Variants in ZNF69 observed in about 807,000 individuals in gnomAD.
ZNF69 encodes the protein zinc finger protein 69.
A neutral mutation model predicts 50.9 loss-of-function variants in ZNF69; 47 were observed. That is an observed-to-expected ratio of 0.92 (90% CI 0.73 to 1.18). The LOEUF is 1.18. Among genes scored for constraint, ZNF69 ranks in the 50% most tolerant of loss-of-function variants. The pLI, the probability that ZNF69 is intolerant of heterozygous loss-of-function variation, is 0.00. For synonymous variants in ZNF69, 216 were observed against 223.1 expected (o/e 0.97, Z 0.29); for missense variants, 717 against 675.1 (o/e 1.06, Z -0.69).
the ZNF69 span, among the ~76,000 whole-genome samples, chr19:11,962,804 G>A: frequency 6.6e-6 from 1 of 152,298 alleles, no homozygotes; most frequent in Middle Eastern, 3.4e-3. Flanking sequence ...CAGAGAACAA[G>A]CTGACTTAAT....
the ZNF69 span, among the ~76,000 whole-genome samples, chr19:11,935,509 G>A: frequency 6.6e-6 from 1 of 152,026 alleles, no homozygotes; most frequent in African/African-American, 2.4e-5. Context: ...CGGGATTATA[G>A]GCATGAGCCA....
At chr19:11,922,805 CT>C in the ZNF69 span, among the ~76,000 whole-genome samples, 365 of 150,724 alleles carry the variant, frequency 2.4e-3, 5 homozygotes, top group African/African-American at 8.5e-3. Context: ...GTCTGGTGGG[CT>C]TTTTATGGGT....
At chr19:11,897,093 A>G (rs1423240551) in intron 1 of ZNF69, among the ~76,000 whole-genome samples, 1 of 152,224 alleles carries the variant, frequency 6.6e-6, no homozygotes, top group Non-Finnish European at 1.5e-5. Context: ...TCATGCCTGT[A>G]ATCCCAATAT....
At chr19:11,935,362 G>T in the ZNF69 span, among the ~76,000 whole-genome samples, 1 of 149,666 alleles carries the variant, frequency 6.7e-6, no homozygotes, top group Admixed American at 6.7e-5. Context: ...TCAGCCTCCA[G>T]AGTAGGTGGG....
intron 1 of ZNF69, among the ~76,000 whole-genome samples, chr19:11,890,253 T>C (rs1352431711): frequency 6.6e-6 from 1 of 152,192 alleles, no homozygotes; most frequent in African/African-American, 2.4e-5. Context: ...TCAGGCTGTC[T>C]CAGTGGGGGA....
the ZNF69 span, chr19:11,965,103 G>C: frequency 6.8e-7 from 1 of 1,461,336 alleles, no homozygotes; most frequent in South Asian, 1.1e-5. Context: ...CCCCGAGAGG[G>C]ACCTGGTACC....
rs1976982082 is a variant in ZNF69 at position 11,887,805 on chromosome 19, G to T, written c.-119G>T. 1.3e-6 allele frequency: 1 copy of T among 747,730 alleles called. No homozygotes were observed. 46.3% of individuals were successfully genotyped at this position (747,730 alleles called of 1,614,324 possible). A position where few individuals can be genotyped will look rare whatever the true frequency, so the allele number is the denominator to read the frequency against. ...CCACTGTTCCTCCAGACACTGAGGG[G>T]GTCGCATTCCTTACCTCACCTTTGT... On this transcript the variant is annotated 5_prime_UTR_variant, in exon 1 of 4. Transcript: ENST00000429654.
Position 11,905,350 on chromosome 19 carries a change from A to G in ZNF69, c.953A>G (p.Tyr318Cys), listed in dbSNP as rs777797125. The G allele has an allele frequency of 9.3e-6, 15 of 1,614,024 alleles. No individual in the cohort carries two copies. In the African/African-American group the frequency reaches 1.5e-4, roughly 16 times the overall value. Residue 318 changes from tyrosine to cysteine, a missense_variant, in exon 4 of 4, where the codon TAT (tyrosine) becomes TGT (cysteine). Tyr to Cys is a radical substitution (Grantham distance 194, BLOSUM62 -2). Transcript: ENST00000429654. The stretch of plus-strand genomic sequence containing the variant: ...GGAAAAGCATTCACGTGTCCCCAGT[A>G]TGTTCGTATACATGAAAGGACCCAC... ...ECGKAFTCPQ[Y>C]VRIHERTHSR... is the part of the protein sequence containing the mutation.
the ZNF69 span, among the ~76,000 whole-genome samples, chr19:11,928,498 C>T: frequency 1.3e-5 from 2 of 151,294 alleles, no homozygotes; most frequent in Non-Finnish European, 2.9e-5. Context: ...TTTGGGAGGC[C>T]GAGGCGGGCG....
At chr19:11,975,640 C>G in the ZNF69 span, among the ~76,000 whole-genome samples, 1 of 148,322 alleles carries the variant, frequency 6.7e-6, no homozygotes, top group Non-Finnish European at 1.5e-5. Flanking sequence ...CCTCGGCCTA[C>G]CAAAGTGTTG....
At chr19:11,941,301 C>T in the ZNF69 span, among the ~76,000 whole-genome samples, 5 of 152,252 alleles carry the variant, frequency 3.3e-5, no homozygotes, top group African/African-American at 1.2e-4. Context: ...GCCCGCACTC[C>T]TCAGCCCTTG....
At chr19:11,888,539 A>C (rs546514637) in intron 1 of ZNF69, among the ~76,000 whole-genome samples, 23 of 152,310 alleles carry the variant, frequency 1.5e-4, no homozygotes, top group East Asian at 7.7e-4. Flanking sequence ...CCGAGGGAAA[A>C]ACAACCCCAA....
the ZNF69 span, chr19:11,978,073 A>G: frequency 6.3e-7 from 1 of 1,584,006 alleles, no homozygotes; most frequent in Non-Finnish European, 8.5e-7. Context: ...TTAATACAAA[A>G]TTACTCATAA....
At chr19:11,937,031 T>C in the ZNF69 span, among the ~76,000 whole-genome samples, 33 of 152,214 alleles carry the variant, frequency 2.2e-4, no homozygotes, top group Non-Finnish European at 4.4e-4. Flanking sequence ...GCCTCTGTTA[T>C]GTTCCATTGG....
At chr19:11,970,693 AG>A in the ZNF69 span, among the ~76,000 whole-genome samples, 1 of 152,116 alleles carries the variant, frequency 6.6e-6, no homozygotes, top group South Asian at 2.1e-4. Flanking sequence ...ACACTTTGGG[AG>A]GCTGAGGCTG....
chr19:11,911,369 C>A (rs181993610), downstream of ZNF69, among the ~76,000 whole-genome samples: 16 of 152,288 alleles, frequency 1.1e-4, no homozygotes, highest in African/African-American at 3.9e-4. Flanking sequence ...AAGACACATG[C>A]ACACGTATGT....
the ZNF69 span, among the ~76,000 whole-genome samples, chr19:11,972,203 T>A: frequency 6.6e-6 from 1 of 152,076 alleles, no homozygotes; most frequent in South Asian, 2.1e-4. Flanking sequence ...AAGGATCTGT[T>A]GAGCCTAGGA....
chr19:11,955,390 T>G, the ZNF69 span, among the ~76,000 whole-genome samples: 1 of 148,414 alleles, frequency 6.7e-6, no homozygotes, highest in Non-Finnish European at 1.5e-5. Context: ...TTCTTTTTCT[T>G]TCTTTCTTTT....
chr19:11,905,264 A>G lies in ZNF69; in HGVS notation c.867A>G (p.Arg289=), dbSNP rs774060751. Residue 289 remains arginine (R), a synonymous_variant, in exon 4 of 4, where the codon AGA becomes AGG. Coordinates refer to ENST00000429654, the MANE Select transcript of ZNF69 (RefSeq NM_001364730.1). ...QQCGKAFHSP[R]CYRRHERIHT... is the part of the protein sequence containing the mutation. Reference sequence around the variant, plus strand: ...GTGGGAAAGCATTTCATAGTCCCAGATGCTATCGTAGACATGAAAGGATTC... The same window carrying G: ...GTGGGAAAGCATTTCATAGTCCCAGGTGCTATCGTAGACATGAAAGGATTC... 9.9e-6 allele frequency: 16 copies of G among 1,613,998 alleles called. No individual in the cohort carries two copies. In the African/African-American group the frequency reaches 1.9e-4, roughly 19 times the overall value.
Sources: gnomAD v4.1 joint callset for allele counts (sites outside exome capture counted in the v4.1 genomes callset) on GRCh38, gnomAD v4.1.1 for gene constraint, MANE v1.5 for transcripts, NCBI Gene and HGNC (gene_info 2026-07-23, HGNC 2026-07-21) for gene names.